The following ANKRD17 variants were observed in gnomAD, a reference collection of about 807,000 sequenced individuals.
ANKRD17 encodes ankyrin repeat domain-containing protein 17.
ANKRD17 carries 19 observed loss-of-function variants against 229.7 expected under a neutral mutation model. That is an observed-to-expected ratio of 0.08 (90% confidence interval 0.06 to 0.12). ANKRD17 has a LOEUF of 0.12. ANKRD17 is among the 10% of genes least tolerant of loss of function. The pLI is 1.00. For missense variants in ANKRD17, 2,176 were observed against 3,176.8 expected (o/e 0.68, Z 7.57); for synonymous variants, 1,112 against 1,146.1 (o/e 0.97, Z 0.60).
intron 24 of ANKRD17, chr4:73,112,795 A>G (rs1725476243): frequency 1.4e-6 from 1 of 734,394 alleles, no homozygotes; most frequent in Non-Finnish European, 1.7e-6. Flanking sequence ...AAAAAATTTT[A>G]TTTATTTTTT....
At chr4:73,102,852 T>C (rs1724175853) in intron 24 of ANKRD17, 2 of 254,034 alleles carry the variant, frequency 7.9e-6, no homozygotes, top group South Asian at 1.5e-4. Flanking sequence ...GATCATTAAT[T>C]TGGCGAAATT....
At position 73,258,411 on chromosome 4, in the gene ANKRD17, G is replaced by A; in HGVS notation, c.258C>T (p.Ser86=). 6.2e-7 allele frequency: 1 copy of A among 1,610,722 alleles called. No homozygotes were observed. Residue 86 remains serine, a synonymous_variant, in exon 1 of 34, where the codon AGC becomes AGT. Transcript: ENST00000358602. ...RNRTCRPPSS[S]ESSSDSDNSG... ...TGTTGTCGCTGTCGCTGCTGCTTTCGCTGCTGCTGGGGGGTCGGCAAGTCC... is the reference window on the plus strand; with the variant it reads ...TGTTGTCGCTGTCGCTGCTGCTTTCACTGCTGCTGGGGGGTCGGCAAGTCC...
intron 1 of ANKRD17, among the ~76,000 whole-genome samples, chr4:73,242,850 G>C (rs1199392215): frequency 6.6e-6 from 1 of 152,154 alleles, no homozygotes; most frequent in East Asian, 1.9e-4. Context: ...AGACATAAGA[G>C]TTTACTAAAT....
chr4:73,164,466 T>A (rs1388052407), intron 2 of ANKRD17, among the ~76,000 whole-genome samples: 1 of 152,248 alleles, frequency 6.6e-6, no homozygotes, highest in Non-Finnish European at 1.5e-5. Flanking sequence ...ATTCTTTTTT[T>A]TCTGGTCTTA....
intron 21 of ANKRD17, 123 bp downstream of exon 21, chr4:73,120,039 A>G: frequency 1.9e-6 from 2 of 1,069,372 alleles, no homozygotes; most frequent in South Asian, 1.4e-5. Flanking sequence ...TGGGGGAAAA[A>G]GCACTTGTTT....
chr4:73,116,012 A>T, intron 22 of ANKRD17, 96 bp from the exon 23 acceptor site: 2 of 989,588 alleles, frequency 2.0e-6, no homozygotes, highest in Non-Finnish European at 3.2e-6. Flanking sequence ...TTAGGGCCAC[A>T]AAGTAAAGAC....
At chr4:73,161,143 TA>T in intron 3 of ANKRD17, 48 bp downstream of exon 3, 2 of 1,596,234 alleles carry the variant, frequency 1.3e-6, no homozygotes, top group Non-Finnish European at 1.7e-6. Flanking sequence ...TATTTGTTAT[TA>T]TTTTTAAGAA....
intron 19 of ANKRD17, 126 bp downstream of exon 19, chr4:73,121,491 A>G (rs1313638848): frequency 5.1e-6 from 6 of 1,181,234 alleles, no homozygotes; most frequent in Non-Finnish European, 7.4e-6. Context: ...AAAAATCTCT[A>G]ACACTTTGAA....
In ANKRD17 at chr4:73,151,473, T is replaced by C. The variant is rs1730993583; in HGVS notation, c.1286A>G (p.His429Arg). The C allele has an allele frequency of 6.2e-7, 1 of 1,611,768 alleles. No individual in the cohort carries two copies. The highest frequency in any genetic ancestry group is 1.3e-5 in the African/African-American group (1 of 74,868). Residue 429 changes from histidine to arginine, a missense_variant, in exon 7 of 34, where the codon CAT becomes CGT. His to Arg is a conservative substitution (Grantham distance 29, BLOSUM62 0). This residue lies in a region of ANKRD17 where 42 missense variants were observed against 141.3 expected (regional missense o/e 0.30). Transcript: ENST00000358602. ...AGCAGTGTGCATTTCATCTGTTTTA[T>C]GCTCTTGATCCGCGCCTGCTTCCAA... ...FLLEAGADQE[H>R]KTDEMHTALM...
intron 1 of ANKRD17, among the ~76,000 whole-genome samples, chr4:73,217,172 G>A (rs1463557406): frequency 2.6e-5 from 4 of 152,204 alleles, no homozygotes; most frequent in African/African-American, 4.8e-5. Context: ...ATGGATCAGT[G>A]GGAAACTAGT....
At chr4:73,237,476 G>A (rs1008136905) in intron 1 of ANKRD17, among the ~76,000 whole-genome samples, 1 of 152,206 alleles carries the variant, frequency 6.6e-6, no homozygotes, top group Non-Finnish European at 1.5e-5. Flanking sequence ...TGAAGTTTAG[G>A]TGGCAGCCAG....
chr4:73,093,068 G>A (rs1372171110), intron 28 of ANKRD17, among the ~76,000 whole-genome samples: 2 of 152,146 alleles, frequency 1.3e-5, no homozygotes, highest in Non-Finnish European at 2.9e-5. Context: ...CAGAAGGAGA[G>A]GACGATGAAT....
chr4:73,157,116 A>G (rs535805888), intron 3 of ANKRD17, among the ~76,000 whole-genome samples: 72 of 152,326 alleles, frequency 4.7e-4, no homozygotes, highest in Non-Finnish European at 9.6e-4. Context: ...ATAACAGGTC[A>G]TAATTATACT....
rs1037142179 is a variant in ANKRD17, at chr4:73,154,174, C to G, written c.1001-61G>C. 5.1e-5 allele frequency: 59 copies of G among 1,156,768 alleles called. No individual in the cohort carries two copies. In the Admixed American group the frequency reaches 5.9e-4, roughly 12 times the overall value. The allele number at this position is 1,156,768 out of a possible 1,614,324, so 71.7% of individuals were successfully genotyped here. ...TAAAATACCAAAATAAATTAAAGTG[C>G]TAATTTACATTAAGAAAATGGAAAC... On this transcript the variant is annotated intron_variant, in intron 5 of 33. Transcript: ENST00000358602.
At chr4:73,093,965 T>C (rs1358278662) in intron 28 of ANKRD17, 114 bp downstream of exon 28, 1 of 1,005,338 alleles carries the variant, frequency 9.9e-7, no homozygotes, top group Non-Finnish European at 1.4e-6. Context: ...AAAATTCCCA[T>C]TTTAAAAAGT....
At chr4:73,244,037 G>A (rs2149266972) in intron 1 of ANKRD17, among the ~76,000 whole-genome samples, 1 of 151,940 alleles carries the variant, frequency 6.6e-6, no homozygotes, top group African/African-American at 2.4e-5. Flanking sequence ...TCTCTCCTTG[G>A]CTTACAGATG....
intron 5 of ANKRD17, among the ~76,000 whole-genome samples, chr4:73,154,928 C>T (rs1731459959): frequency 6.6e-6 from 1 of 151,462 alleles, no homozygotes; most frequent in African/African-American, 2.4e-5. Flanking sequence ...GTAGTCCCAG[C>T]TACTTGGGAG....
At chr4:73,225,023 T>A (rs1742323188) in intron 1 of ANKRD17, among the ~76,000 whole-genome samples, 2 of 152,200 alleles carry the variant, frequency 1.3e-5, no homozygotes, top group African/African-American at 4.8e-5. Flanking sequence ...ATGTTTTACC[T>A]CATACCATAC....
intron 15 of ANKRD17, among the ~76,000 whole-genome samples, chr4:73,137,246 A>G (rs1454393106): frequency 6.6e-6 from 1 of 152,174 alleles, no homozygotes; most frequent in Non-Finnish European, 1.5e-5. Context: ...AGAACCACAC[A>G]TCAGAAAAGT....
Sources: allele counts gnomAD v4.1 joint callset (sites outside exome capture counted in the v4.1 genomes callset), GRCh38; gene constraint gnomAD v4.1.1; regional missense constraint gnomAD v4.1.1; transcripts MANE v1.5; gene names NCBI Gene and HGNC (gene_info 2026-07-23, HGNC 2026-07-21).